The following B3GNT7 variants were observed in gnomAD, a reference collection of about 807,000 sequenced individuals.
B3GNT7 encodes UDP-GlcNAc:betaGal beta-1,3-N-acetylglucosaminyltransferase 7, also known as BGnT-7.
A neutral mutation model predicts 5.1 loss-of-function variants in B3GNT7; 9 were observed. That is an observed-to-expected ratio of 1.77 (90% CI 1.07 to 3.09). B3GNT7 has a LOEUF of 3.09. B3GNT7 is among the 30% of genes most tolerant of loss of function. The pLI is 0.00. For synonymous variants in B3GNT7, 253 were observed against 248.6 expected, an observed-to-expected ratio of 1.02 and a Z score of -0.17; for missense variants, 468 against 550.8, an observed-to-expected ratio of 0.85 and a Z score of 1.50.
At position 231,398,815 on chromosome 2, in the gene B3GNT7, T is replaced by C; in HGVS notation, c.1096T>C (p.Phe366Leu). 2 of 1,604,460 alleles carry C rather than the reference T, an allele frequency of 1.2e-6. No homozygotes were observed. The change falls in exon 2 of 2, where the codon TTT becomes CTT. Residue 366 changes from phenylalanine to leucine, a missense_variant. By Grantham distance (22) the Phe-to-Leu change is conservative. Coordinates refer to ENST00000287590, the MANE Select transcript of B3GNT7 (RefSeq NM_145236.3). ...RNSRMNKEPCFFRAMLVVHKL... is the reference protein window; with the variant it reads ...RNSRMNKEPCLFRAMLVVHKL... ...CAGCCGCATGAACAAGGAGCCGTGC[T>C]TTTTCCGCGCCATGCTCGTGGTGCA...
chr2:231,399,397 C>G lies in B3GNT7; in HGVS notation c.*472C>G, dbSNP rs897564433. ...CGGCCCTGGCAGGAGAAACTCAACCCTGTGCGGGCTCACAGGCACCCCCCA... is the reference window on the plus strand; with the variant it reads ...CGGCCCTGGCAGGAGAAACTCAACCGTGTGCGGGCTCACAGGCACCCCCCA... On this transcript the variant is annotated 3_prime_UTR_variant, in exon 2 of 2. Coordinates refer to ENST00000287590, the MANE Select transcript of B3GNT7 (RefSeq NM_145236.3). 1 of 159,776 alleles carries G rather than the reference C, an allele frequency of 6.3e-6. No individual in the cohort carries two copies. Among genetic ancestry groups the G allele is most frequent in the African/African-American group, 2.4e-5 (1 of 41,540 alleles). The allele number at this position is 159,776 out of a possible 1,614,324, so 9.9% of individuals were successfully genotyped here.
chr2:231,395,757 C>A lies in B3GNT7; in HGVS notation c.-47C>A. On this transcript the variant is annotated 5_prime_UTR_variant, in exon 1 of 2. Coordinates refer to ENST00000287590, the MANE Select transcript of B3GNT7 (RefSeq NM_145236.3). The surrounding 1 kb of genome is among the most constrained non-coding windows in gnomAD (Gnocchi z 7.3). ...TCCCGCCGGCCCGAGCCGTGGCGCCCAGAGCTGCGAGCCGCTCGCCCCTCC... is the reference window on the plus strand; with the variant it reads ...TCCCGCCGGCCCGAGCCGTGGCGCCAAGAGCTGCGAGCCGCTCGCCCCTCC... 8.5e-7 allele frequency: 1 copy of A among 1,170,628 alleles called. No homozygotes were observed. The highest frequency in any genetic ancestry group is 1.1e-6 in the Non-Finnish European group (1 of 948,794). 72.5% of individuals were successfully genotyped at this position (1,170,628 alleles called of 1,614,324 possible).
chr2:231,396,718 C>G (rs1228832601), intron 1 of B3GNT7, among the ~76,000 whole-genome samples: 2 of 152,162 alleles, frequency 1.3e-5, no homozygotes, highest in Non-Finnish European at 2.9e-5. Context: ...GAGCTCTCAG[C>G]CCCCAGGTCT....
In B3GNT7 at chr2:231,397,873, A is replaced by G; in HGVS notation, c.154A>G (p.Asn52Asp). Reference protein sequence around the residue: ...TLEPQKAQKPNGQLVNPNNFW... With the variant: ...TLEPQKAQKPDGQLVNPNNFW... ...GGAGCCACAGAAGGCCCAGAAGCCA[A>G]ATGGACAGCTGGTGAACCCCAACAA... The change falls in exon 2 of 2, where the codon AAT (asparagine) becomes GAT (aspartate). Residue 52 changes from asparagine (N) to aspartate (D), a missense_variant. By Grantham distance (23) the Asn-to-Asp change is conservative. Transcript: ENST00000287590. 6.2e-7 allele frequency: 1 copy of G among 1,613,866 alleles called. No individual in the cohort carries two copies. Among genetic ancestry groups the G allele is most frequent in the South Asian group, 1.1e-5 (1 of 91,086 alleles).
In B3GNT7 at chr2:231,398,096, AC is replaced by A; in HGVS notation, c.380del (p.Pro127ArgfsTer89). The A allele has an allele frequency of 1.2e-6, 2 of 1,612,112 alleles. No individual in the cohort carries two copies. The highest frequency in any genetic ancestry group is 8.5e-7 in the Non-Finnish European group (1 of 1,179,716). On this transcript the variant is annotated frameshift_variant, in exon 2 of 2. Coordinates refer to ENST00000287590, the MANE Select transcript of B3GNT7 (RefSeq NM_145236.3). LOFTEE classifies it low-confidence loss of function (END_TRUNC). The part of the protein sequence containing the change: ...HCRYFPMLLN[H>X]PEKCRGDVYL... ...CGCTACTTCCCCATGCTGCTGAACCACCCGGAGAAGTGCAGGGGCGATGTCT... is the reference window on the plus strand; with the variant it reads ...CGCTACTTCCCCATGCTGCTGAACCACCGGAGAAGTGCAGGGGCGATGTCT...
At position 231,398,271 on chromosome 2, in the gene B3GNT7, G is replaced by A. The variant is rs200995437; in HGVS notation, c.552G>A (p.Glu184=). 177 of 1,612,902 alleles carry A rather than the reference G, an allele frequency of 1.1e-4. 2 individuals are homozygous for A. The African/African-American group carries it at 2.2e-3, about 20-fold the overall frequency. The part of the protein sequence containing the change: ...LFLLGTASKQ[E]ERTHYQQLLA... The stretch of plus-strand genomic sequence containing the variant: ...TGCTGGGCACGGCCTCCAAGCAGGA[G>A]GAGCGCACGCACTACCAGCAGCTGC... The change falls in exon 2 of 2, where the codon GAG becomes GAA. Residue 184 remains glutamate (E), a synonymous_variant. Coordinates refer to ENST00000287590, the MANE Select transcript of B3GNT7 (RefSeq NM_145236.3).
At chr2:231,397,300 A>G in intron 1 of B3GNT7, 1 of 987,206 alleles carries the variant, frequency 1.0e-6, no homozygotes. Flanking sequence ...GGGAAATGAA[A>G]GGCATTGGGG....
At chr2:231,396,894 TG>T (rs374348190) in intron 1 of B3GNT7, among the ~76,000 whole-genome samples, 2 of 118,370 alleles carry the variant, frequency 1.7e-5, no homozygotes, top group South Asian at 2.9e-4. Flanking sequence ...GGGGTTGGGG[TG>T]GGGGGGTCTC....
Position 231,398,663 on chromosome 2 carries a change from A to T in B3GNT7, c.944A>T (p.His315Leu). The stretch of plus-strand genomic sequence containing the variant: ...GGCAGCCTGGCCCGGCGCCTGCACC[A>T]TGCCTGCGACACCCTGGAGCTCTAC... ...MAGSLARRLH[H>L]ACDTLELYPI... is the part of the protein sequence containing the mutation. The change falls in exon 2 of 2, where the codon CAT becomes CTT. Residue 315 changes from histidine (H) to leucine (L), a missense_variant. His to Leu is a moderately conservative substitution (Grantham distance 99). Transcript: ENST00000287590. 4 of 1,612,172 alleles carry T rather than the reference A, an allele frequency of 2.5e-6. No homozygotes were observed. The South Asian group carries it at 3.3e-5, about 13-fold the overall frequency.
chr2:231,396,302 C>T (rs1418471113), intron 1 of B3GNT7, among the ~76,000 whole-genome samples: 2 of 152,124 alleles, frequency 1.3e-5, no homozygotes, highest in African/African-American at 2.4e-5. Context: ...CGCCCGCAGC[C>T]CAGGGCCTCG....
chr2:231,400,732 TCTC>T lies in B3GNT7; in HGVS notation c.*1810_*1812del, dbSNP rs2046556274. On this transcript the variant is annotated 3_prime_UTR_variant, in exon 2 of 2. Coordinates refer to ENST00000287590, the MANE Select transcript of B3GNT7 (RefSeq NM_145236.3). Reference sequence around the variant, plus strand: ...ACTGCTATGGAATGAGACCACCACTTCTCCTGTTGTCCTTCCCAGCTTCTCCCC... The same window carrying T: ...ACTGCTATGGAATGAGACCACCACTTCTGTTGTCCTTCCCAGCTTCTCCCC... The T allele has an allele frequency of 6.6e-6, 1 of 152,140 alleles. No individual in the cohort carries two copies. Among genetic ancestry groups the T allele is most frequent in the African/African-American group, 2.4e-5 (1 of 41,420 alleles). The allele number at this position is 152,140 out of a possible 1,614,324, so 9.4% of individuals were successfully genotyped here. A position where few individuals can be genotyped will look rare whatever the true frequency, so the allele number is the denominator to read the frequency against.
intron 1 of B3GNT7, 39 bp from the exon 2 acceptor site, chr2:231,397,692 C>T: frequency 6.5e-7 from 1 of 1,531,168 alleles, no homozygotes; most frequent in South Asian, 1.3e-5. Flanking sequence ...CTGGGCTCAT[C>T]TTTTCTCTCT....
chr2:231,398,408 G>GC lies in B3GNT7; in HGVS notation c.694dup (p.His232ProfsTer11). 1 of 1,613,678 alleles carries GC rather than the reference G, an allele frequency of 6.2e-7. No homozygotes were observed. The highest frequency in any genetic ancestry group is 8.5e-7 in the Non-Finnish European group (1 of 1,179,844). ...TTCCTCAAGTGGCTGGACATCTACT[G>GC]CCCCCACGTCCCCTTCATTTTCAAA... is the stretch of plus-strand genomic sequence containing the variant. On this transcript the variant is annotated frameshift_variant, in exon 2 of 2. Coordinates refer to ENST00000287590, the MANE Select transcript of B3GNT7 (RefSeq NM_145236.3). LOFTEE classifies it low-confidence loss of function (END_TRUNC).
Position 231,398,835 on chromosome 2 carries a change from G to A in B3GNT7, c.1116G>A (p.Val372=). 1 of 1,602,478 alleles carries A rather than the reference G, an allele frequency of 6.2e-7. No homozygotes were observed. Among genetic ancestry groups the A allele is most frequent in the Non-Finnish European group, 8.5e-7 (1 of 1,179,734 alleles). The change falls in exon 2 of 2, where the codon GTG becomes GTA. Residue 372 remains valine (V), a synonymous_variant. Transcript: ENST00000287590. ...CGTGCTTTTTCCGCGCCATGCTCGT[G>A]GTGCACAAGCTGCTGCCCCCTGAGC... ...KEPCFFRAML[V]VHKLLPPELL...
chr2:231,395,771 G>A lies in B3GNT7; in HGVS notation c.-33G>A, dbSNP rs1452860956. 8.5e-7 allele frequency: 1 copy of A among 1,171,288 alleles called. No individual in the cohort carries two copies. Among genetic ancestry groups the A allele is most frequent in the Non-Finnish European group, 1.1e-6 (1 of 949,438 alleles). 72.6% of individuals were successfully genotyped at this position (1,171,288 alleles called of 1,614,324 possible). ...GCCGTGGCGCCCAGAGCTGCGAGCC[G>A]CTCGCCCCTCCGCCGCTCCGGCCCG... On this transcript the variant is annotated 5_prime_UTR_variant, in exon 1 of 2. Transcript: ENST00000287590. This position sits in a 1 kb window ranked among gnomAD's most constrained non-coding sequence, Gnocchi z 7.3.
chr2:231,400,031 T>C lies in B3GNT7; in HGVS notation c.*1106T>C, dbSNP rs1458327842. ...GTGGGTGCAGAAGGTTGCCACCTCC[T>C]ACCTCAGCGGGAGTCACCTAGGAAA... On this transcript the variant is annotated 3_prime_UTR_variant, in exon 2 of 2. Coordinates refer to ENST00000287590, the MANE Select transcript of B3GNT7 (RefSeq NM_145236.3). 6.7e-6 allele frequency: 1 copy of C among 148,766 alleles called. No individual in the cohort carries two copies. Among genetic ancestry groups the C allele is most frequent in the Non-Finnish European group, 1.5e-5 (1 of 67,406 alleles). 9.2% of individuals were successfully genotyped at this position (148,766 alleles called of 1,614,324 possible).
At position 231,398,569 on chromosome 2, in the gene B3GNT7, A is replaced by C. The variant is rs1559527476; in HGVS notation, c.850A>C (p.Ile284Leu). 6.2e-7 allele frequency: 1 copy of C among 1,613,064 alleles called. No homozygotes were observed. The highest frequency in any genetic ancestry group is 8.5e-7 in the Non-Finnish European group (1 of 1,179,576). Residue 284 changes from isoleucine to leucine, a missense_variant, in exon 2 of 2, where the codon ATC becomes CTC. Transcript: ENST00000287590. ...PIRRKDNKYYIPGALYGKASY... is the reference protein window; with the variant it reads ...PIRRKDNKYYLPGALYGKASY... ...TCGCAGGAAAGACAACAAATACTAC[A>C]TCCCGGGGGCCCTGTACGGCAAGGC...
In B3GNT7 at chr2:231,398,082, C is replaced by T; in HGVS notation, c.363C>T (p.Pro121=). Reference sequence around the variant, plus strand: ...TCTACCGCCACTGCCGCTACTTCCCCATGCTGCTGAACCACCCGGAGAAGT... The same window carrying T: ...TCTACCGCCACTGCCGCTACTTCCCTATGCTGCTGAACCACCCGGAGAAGT... ...FLFYRHCRYF[P]MLLNHPEKCR... The change falls in exon 2 of 2, where the codon CCC becomes CCT. Residue 121 remains proline (P), a synonymous_variant. Transcript: ENST00000287590. 1.2e-6 allele frequency: 2 copies of T among 1,612,132 alleles called. No homozygotes were observed.
In B3GNT7 at chr2:231,398,334, G is replaced by A. The variant is rs1306047649; in HGVS notation, c.615G>A (p.Gln205=). 6.2e-7 allele frequency: 1 copy of A among 1,613,532 alleles called. No homozygotes were observed. The highest frequency in any genetic ancestry group is 8.5e-7 in the Non-Finnish European group (1 of 1,179,906). ...YEDRLYGDIL[Q]WGFLDTFFNL... ...ACCGCCTCTACGGCGACATCCTGCA[G>A]TGGGGCTTTCTCGACACCTTCTTCA... The change falls in exon 2 of 2, where the codon CAG becomes CAA. Residue 205 remains glutamine (Q), a synonymous_variant. Transcript: ENST00000287590.
Sources: allele counts gnomAD v4.1 joint callset (sites outside exome capture counted in the v4.1 genomes callset), GRCh38; gene constraint gnomAD v4.1.1; non-coding constraint Gnocchi (gnomAD v3.1); transcripts MANE v1.5; gene names NCBI Gene and HGNC (gene_info 2026-07-23, HGNC 2026-07-21).